Variants in EYS observed in about 807,000 individuals in gnomAD.
The protein encoded by EYS is EGF-like photoreceptor maintenance factor.
Under a neutral mutation model 282.1 loss-of-function variants are expected in EYS, and 250 were observed. The ratio of observed to expected loss-of-function variants is 0.89; its 90% CI spans 0.80 to 0.98. The LOEUF is 0.98. Among genes scored for constraint, EYS ranks in the 50% least tolerant of loss-of-function variants. The pLI is 0.00. For synonymous variants in EYS, 1,355 were observed against 1,282.9 expected (o/e 1.06, Z -1.20); for missense variants, 4,016 against 3,709.0 (o/e 1.08, Z -2.15).
chr6:64,177,037 A>G (rs908820996), intron 31 of EYS, among the ~76,000 whole-genome samples: 5 of 151,898 alleles, frequency 3.3e-5, no homozygotes, highest in Non-Finnish European at 7.4e-5. Flanking sequence ...AATTGAAAAC[A>G]TAAGTTATGA....
chr6:65,228,904 T>C (rs1019829482), intron 12 of EYS, among the ~76,000 whole-genome samples: 16 of 151,962 alleles, frequency 1.1e-4, no homozygotes, highest in Non-Finnish European at 1.9e-4. Context: ...GGCGATTCAG[T>C]GGGAAAGAGC....
At chr6:64,478,305 G>T (rs1776334745) in intron 26 of EYS, among the ~76,000 whole-genome samples, 1 of 151,834 alleles carries the variant, frequency 6.6e-6, no homozygotes, top group Non-Finnish European at 1.5e-5. Flanking sequence ...TTAGGGGCTA[G>T]AACTGTGTTT....
intron 15 of EYS, among the ~76,000 whole-genome samples, chr6:64,915,367 T>C (rs1279576959): frequency 6.6e-6 from 1 of 152,138 alleles, no homozygotes; most frequent in African/African-American, 2.4e-5. Context: ...CACATTATCA[T>C]GTCAACACAA....
intron 22 of EYS, among the ~76,000 whole-genome samples, chr6:64,678,843 C>T (rs947053801): frequency 7.2e-5 from 11 of 151,824 alleles, no homozygotes; most frequent in Admixed American, 3.3e-4. Flanking sequence ...AACAATTAGC[C>T]GGGTTTGGTG....
chr6:65,109,574 C>A (rs1322604344), intron 12 of EYS, among the ~76,000 whole-genome samples: 1 of 151,768 alleles, frequency 6.6e-6, no homozygotes, highest in Non-Finnish European at 1.5e-5. Context: ...AGAGCCCCCC[C>A]TTTGGCTCTT....
At chr6:64,711,995 T>C (rs779977526) in intron 22 of EYS, among the ~76,000 whole-genome samples, 3 of 152,156 alleles carry the variant, frequency 2.0e-5, no homozygotes, top group African/African-American at 4.8e-5. Flanking sequence ...AGGGTGGGGA[T>C]TGATAAGAGG....
intron 22 of EYS, among the ~76,000 whole-genome samples, chr6:64,721,956 A>T: frequency 6.6e-6 from 1 of 152,216 alleles, no homozygotes; most frequent in South Asian, 2.1e-4. Flanking sequence ...CAGTCAGTTT[A>T]TTCAAACATT....
At chr6:63,981,846 T>G (rs1767112725) in intron 35 of EYS, among the ~76,000 whole-genome samples, 2 of 151,952 alleles carry the variant, frequency 1.3e-5, no homozygotes, top group African/African-American at 4.8e-5. Flanking sequence ...TAAAAACTCT[T>G]TGTGTGTCTT....
At chr6:65,518,762 G>A (rs1021157107) in intron 2 of EYS, among the ~76,000 whole-genome samples, 2 of 152,122 alleles carry the variant, frequency 1.3e-5, no homozygotes, top group Non-Finnish European at 2.9e-5. Context: ...CAGTTCTGCA[G>A]GGCTGGGGAG....
At chr6:65,287,664 A>G (rs1768405877) in intron 12 of EYS, among the ~76,000 whole-genome samples, 2 of 151,418 alleles carry the variant, frequency 1.3e-5, no homozygotes, top group Admixed American at 1.3e-4. Context: ...GTGTTGTACT[A>G]AAGAGCTGCC....
At chr6:65,669,550 G>A (rs1768314814) in intron 1 of EYS, among the ~76,000 whole-genome samples, 1 of 151,836 alleles carries the variant, frequency 6.6e-6, no homozygotes, top group African/African-American at 2.4e-5. Flanking sequence ...TCCCTCACTG[G>A]TTGCTCTGAT....
intron 29 of EYS, among the ~76,000 whole-genome samples, chr6:64,342,361 G>A (rs1381878911): frequency 6.6e-6 from 1 of 151,970 alleles, no homozygotes; most frequent in Admixed American, 6.6e-5. Context: ...ACTAACAGCT[G>A]ATCTCTCCAC....
chr6:64,675,784 C>G (rs1769639580), intron 22 of EYS, among the ~76,000 whole-genome samples: 1 of 151,856 alleles, frequency 6.6e-6, no homozygotes. Flanking sequence ...ACAGCTTTCT[C>G]TACCTATCCT....
intron 22 of EYS, among the ~76,000 whole-genome samples, chr6:64,654,993 A>G (rs968693958): frequency 6.6e-6 from 1 of 152,114 alleles, no homozygotes; most frequent in Non-Finnish European, 1.5e-5. Context: ...TCAGACCTCT[A>G]TTATCTCAGC....
chr6:65,122,435 T>TTCAAGACTTTCACAGTTCA (rs1561977385), intron 12 of EYS, among the ~76,000 whole-genome samples: 1 of 152,114 alleles, frequency 6.6e-6, no homozygotes, highest in Non-Finnish European at 1.5e-5. Flanking sequence ...AGGTGAAAGT[T>TTCAAGACTTTCACAGTTCA]ATGAAGAGCG....
chr6:64,678,296 C>T (rs939817221), intron 22 of EYS, among the ~76,000 whole-genome samples: 7 of 152,014 alleles, frequency 4.6e-5, no homozygotes, highest in Admixed American at 1.3e-4. Context: ...ATTGAGAATA[C>T]GCCAGGTGCG....
intron 36 of EYS, 86 bp downstream of exon 36, chr6:63,864,100 G>C: frequency 8.0e-7 from 1 of 1,244,884 alleles, no homozygotes; most frequent in Non-Finnish European, 1.1e-6. Context: ...GATCAGTCAA[G>C]TGCTATCCTT....
intron 12 of EYS, among the ~76,000 whole-genome samples, chr6:65,259,356 C>T (rs1767557282): frequency 6.6e-6 from 1 of 151,964 alleles, no homozygotes; most frequent in African/African-American, 2.4e-5. Context: ...TTCAGAGATT[C>T]CTGCAGTTTT....
chr6:65,296,209 CAG>C lies in EYS; in HGVS notation c.1767-92_1767-91del, dbSNP rs1165478197. 66 of 1,234,650 alleles carry C rather than the reference CAG, an allele frequency of 5.3e-5. No homozygotes were observed. In the African/African-American group the frequency reaches 9.7e-4, roughly 18 times the overall value. The allele number at this position is 1,234,650 out of a possible 1,614,324, so 76.5% of individuals were successfully genotyped here. On this transcript the variant is annotated intron_variant, in intron 11 of 42. Coordinates refer to ENST00000503581, the MANE Select transcript of EYS (RefSeq NM_001142800.2). ...TAAATCACACATTTATTTAAAAACA[CAG>C]AAATAAATATTTAATGAAGATAGTT...
Sources: allele counts gnomAD v4.1 joint callset (sites outside exome capture counted in the v4.1 genomes callset), GRCh38; gene constraint gnomAD v4.1.1; transcripts MANE v1.5; gene names NCBI Gene and HGNC (gene_info 2026-07-23, HGNC 2026-07-21).